AUTS2: variants seen among roughly 807,000 people sequenced by gnomAD.
AUTS2 encodes the protein autism susceptibility gene 2 protein.
AUTS2 carries 17 observed loss-of-function variants against 112.4 expected under a neutral mutation model. That is an observed-to-expected ratio of 0.15 (90% CI 0.10 to 0.23). The LOEUF is 0.23. AUTS2 is among the 10% of genes least tolerant of loss of function. AUTS2 has a pLI of 1.00. For synonymous variants in AUTS2, 751 were observed against 702.7 expected, an observed-to-expected ratio of 1.07 and a Z score of -1.09; for missense variants, 1,510 against 1,701.6, an observed-to-expected ratio of 0.89 and a Z score of 1.98.
At chr7:70,771,731 C>A in intron 11 of AUTS2, 87 bp downstream of exon 11, 1 of 1,186,122 alleles carries the variant, frequency 8.4e-7, no homozygotes, top group Non-Finnish European at 1.2e-6. Flanking sequence ...GTCCTCTTGC[C>A]TGTGCAGTGA....
intron 4 of AUTS2, among the ~76,000 whole-genome samples, chr7:70,353,827 G>T (rs554283827): frequency 6.6e-6 from 1 of 152,314 alleles, no homozygotes; most frequent in South Asian, 2.1e-4. Flanking sequence ...GAAGATGTTT[G>T]CTTGTACCTA....
In AUTS2 at chr7:70,631,338, C is replaced by A. The variant is rs1233867871; in HGVS notation, c.691-67231C>A. 6.6e-6 allele frequency among the ~76,000 whole-genome samples: 1 copy of A among 152,208 alleles called. No individual in the cohort carries two copies. Among genetic ancestry groups the A allele is most frequent in the African/African-American group, 2.4e-5 (1 of 41,460 alleles). On this transcript the variant is annotated intron_variant, in intron 5 of 18. Coordinates refer to ENST00000342771, the MANE Select transcript of AUTS2 (RefSeq NM_015570.4). The surrounding 1 kb of genome is among the most constrained non-coding windows in gnomAD (Gnocchi z 4.5). ...CTTGAAGAGAACACCAGGGCAGGGG[C>A]TGGCGACTGGCGGCGGGGAAGCATG...
intron 1 of AUTS2, among the ~76,000 whole-genome samples, chr7:69,619,035 T>C (rs1793523838): frequency 6.6e-6 from 1 of 152,138 alleles, no homozygotes; most frequent in Non-Finnish European, 1.5e-5. Context: ...ACCTGCTGTT[T>C]GGAGGGTTGT....
At chr7:70,096,777 G>A (rs758230366) in intron 2 of AUTS2, among the ~76,000 whole-genome samples, 5 of 152,220 alleles carry the variant, frequency 3.3e-5, no homozygotes, top group Non-Finnish European at 7.4e-5. Context: ...ATAATGCTGA[G>A]TTCAAGTACG....
At chr7:70,736,698 C>T (rs1028051550) in intron 6 of AUTS2, among the ~76,000 whole-genome samples, 1 of 152,160 alleles carries the variant, frequency 6.6e-6, no homozygotes, top group African/African-American at 2.4e-5. Context: ...GTGGAAAATG[C>T]CCAACTGTTA....
chr7:70,214,910 A>G (rs1811094767), intron 4 of AUTS2, among the ~76,000 whole-genome samples: 1 of 152,236 alleles, frequency 6.6e-6, no homozygotes, highest in Non-Finnish European at 1.5e-5. Context: ...TGAATTCTAA[A>G]TATATGAATA....
At chr7:70,742,748 GCGAAACTCCAT>G (rs1788192203) in intron 6 of AUTS2, among the ~76,000 whole-genome samples, 1 of 152,054 alleles carries the variant, frequency 6.6e-6, no homozygotes, top group Non-Finnish European at 1.5e-5. Flanking sequence ...GGCAACAGGA[GCGAAACTCCAT>G]CTCAAAAAGT....
chr7:70,309,561 CTT>C (rs1273298867), intron 4 of AUTS2, among the ~76,000 whole-genome samples: 7 of 152,162 alleles, frequency 4.6e-5, no homozygotes, highest in African/African-American at 1.7e-4. Context: ...AAATACTCCT[CTT>C]AACTTACCAA....
chr7:70,581,872 A>ATG (rs542391483), intron 5 of AUTS2, among the ~76,000 whole-genome samples: 293 of 152,312 alleles, frequency 1.9e-3, no homozygotes, highest in Middle Eastern at 0.01. Flanking sequence ...CACAGTAAAA[A>ATG]TGTCTATTTT....
intron 5 of AUTS2, among the ~76,000 whole-genome samples, chr7:70,455,479 T>C (rs1479251901): frequency 1.3e-5 from 2 of 152,102 alleles, no homozygotes; most frequent in Non-Finnish European, 2.9e-5. Context: ...CAAGAAGACA[T>C]GGAATACCTG....
chr7:70,395,548 A>T (rs1794042732), intron 4 of AUTS2, among the ~76,000 whole-genome samples: 1 of 152,242 alleles, frequency 6.6e-6, no homozygotes, highest in Non-Finnish European at 1.5e-5. Context: ...TTTGTGGACC[A>T]GAGTATGTGA....
At chr7:69,856,323 A>G (rs1792718909) in intron 1 of AUTS2, among the ~76,000 whole-genome samples, 2 of 152,140 alleles carry the variant, frequency 1.3e-5, no homozygotes, top group South Asian at 4.2e-4. Flanking sequence ...GTGATCACCA[A>G]GGCAGGCCTG....
chr7:70,410,845 A>ATTATTG (rs1554394867), intron 4 of AUTS2, among the ~76,000 whole-genome samples: 2 of 149,344 alleles, frequency 1.3e-5, no homozygotes, highest in South Asian at 2.1e-4. Flanking sequence ...TATTATTATT[A>ATTATTG]TTATTGTTAT....
intron 1 of AUTS2, among the ~76,000 whole-genome samples, chr7:69,833,336 T>A (rs1246568449): frequency 6.6e-6 from 1 of 152,212 alleles, no homozygotes; most frequent in Non-Finnish European, 1.5e-5. Context: ...GTTGACCTGA[T>A]TATTATATAA....
intron 3 of AUTS2, among the ~76,000 whole-genome samples, chr7:70,133,034 T>C (rs1806360454): frequency 6.6e-6 from 1 of 152,160 alleles, no homozygotes; most frequent in African/African-American, 2.4e-5. Flanking sequence ...GTTGTCTCCA[T>C]GACTACTGTG....
At chr7:70,236,495 A>G (rs1327227775) in intron 4 of AUTS2, among the ~76,000 whole-genome samples, 1 of 152,198 alleles carries the variant, frequency 6.6e-6, no homozygotes, top group African/African-American at 2.4e-5. Context: ...TTCTCAATAA[A>G]AAGTACTTTT....
chr7:70,006,326 G>C (rs139374973), intron 2 of AUTS2, among the ~76,000 whole-genome samples: 1 of 152,072 alleles, frequency 6.6e-6, no homozygotes, highest in Non-Finnish European at 1.5e-5. Flanking sequence ...AAACGAGGAG[G>C]GGGGAGAAGC....
At chr7:70,340,730 T>C (rs1457745714) in intron 4 of AUTS2, among the ~76,000 whole-genome samples, 1 of 152,250 alleles carries the variant, frequency 6.6e-6, no homozygotes, top group East Asian at 1.9e-4. Context: ...AGGAACCTGA[T>C]ACAAAGAGAA....
Position 70,790,263 on chromosome 7 carries a change from C to A in AUTS2, c.3047C>A (p.Pro1016Gln). 6.2e-7 allele frequency: 1 copy of A among 1,613,028 alleles called. No homozygotes were observed. The highest frequency in any genetic ancestry group is 2.2e-5 in the East Asian group (1 of 44,832). ...PPPNSSSSVH[P>Q]GPLASMPMTV... ...CCCAACTCCTCGTCCAGCGTGCACC[C>A]GGGGCCCCTGGCCTCGATGCCCATG... Residue 1016 changes from proline (P) to glutamine (Q), a missense_variant, in exon 19 of 19, where the codon CCG becomes CAG. Around this residue, in one of 3 missense-constraint regions of AUTS2, gnomAD observed 788 missense variants for 797.6 expected, o/e 0.99. Coordinates refer to ENST00000342771, the MANE Select transcript of AUTS2 (RefSeq NM_015570.4). The surrounding 1 kb of genome is among the most constrained non-coding windows in gnomAD (Gnocchi z 7.6).
Sources: allele counts gnomAD v4.1 joint callset (sites outside exome capture counted in the v4.1 genomes callset), GRCh38; gene constraint gnomAD v4.1.1; regional missense constraint gnomAD v4.1.1; non-coding constraint Gnocchi (gnomAD v3.1); transcripts MANE v1.5; gene names NCBI Gene and HGNC (gene_info 2026-07-23, HGNC 2026-07-21).